Variants in RCAN2 observed in about 807,000 individuals in gnomAD.
RCAN2 encodes the protein regulator of calcineurin 2.
In RCAN2, 9 loss-of-function variants were observed where a neutral mutation model predicts 23.6. The ratio of observed to expected loss-of-function variants is 0.38; its 90% confidence interval spans 0.23 to 0.67. The LOEUF is 0.67. Ranked by LOEUF, RCAN2 falls within the 30% of genes least tolerant of loss-of-function variation. The pLI, the probability that RCAN2 is intolerant of heterozygous loss-of-function variation, is 0.51. For missense variants in RCAN2, 273 were observed against 302.3 expected (o/e 0.90, Z 0.72); for synonymous variants, 109 against 115.7 (o/e 0.94, Z 0.37).
chr6:46,334,669 A>G (rs1037402272), intron 2 of RCAN2, among the ~76,000 whole-genome samples: 56 of 152,146 alleles, frequency 3.7e-4, no homozygotes, highest in Non-Finnish European at 1.2e-4. Flanking sequence ...GGTCCATGCT[A>G]AGTGGCAGCT....
chr6:46,247,104 G>A (rs1007772693), intron 3 of RCAN2, among the ~76,000 whole-genome samples, 185 bp from the exon 4 acceptor site: 2 of 152,008 alleles, frequency 1.3e-5, no homozygotes, highest in African/African-American at 4.8e-5. Context: ...GAAAATAGTG[G>A]ATCTCAACCT....
chr6:46,454,179 G>A (rs898133828), intron 2 of RCAN2, among the ~76,000 whole-genome samples: 2 of 152,272 alleles, frequency 1.3e-5, no homozygotes, highest in Non-Finnish European at 2.9e-5. Flanking sequence ...CAGACTTCAT[G>A]GCTCAGATTC....
intron 1 of RCAN2, among the ~76,000 whole-genome samples, chr6:46,480,303 C>T (rs1212418431): frequency 1.3e-5 from 2 of 152,212 alleles, no homozygotes; most frequent in African/African-American, 4.8e-5. Flanking sequence ...TATGTGATAA[C>T]ATGTGGGGTC....
rs529313404 is a variant in RCAN2, at chr6:46,468,675, C to T, written c.-2-11697G>A. ...CTTCCTATAATGCTGGCTCCCAGCA[C>T]GGCTCCTGATATGCTGTGCTGACGA... On this transcript the variant is annotated intron_variant, in intron 1 of 4. Coordinates refer to ENST00000371374, the MANE Select transcript of RCAN2 (RefSeq NM_001251974.2). 18 of 317,484 alleles carry T rather than the reference C, an allele frequency of 5.7e-5. No individual in the cohort carries two copies. The East Asian group carries it at 1.4e-3, about 24-fold the overall frequency. The allele number at this position is 317,484 out of a possible 1,614,324, so 19.7% of individuals were successfully genotyped here. A position where few individuals can be genotyped will look rare whatever the true frequency, so the allele number is the denominator to read the frequency against.
chr6:46,330,317 T>C (rs1763926749), intron 2 of RCAN2, among the ~76,000 whole-genome samples: 2 of 152,174 alleles, frequency 1.3e-5, no homozygotes, highest in African/African-American at 2.4e-5. Flanking sequence ...ATCTGTATTT[T>C]AATAAGCCCT....
intron 2 of RCAN2, among the ~76,000 whole-genome samples, chr6:46,380,859 TTAAAATAAGGA>T (rs535199781): frequency 8.2e-4 from 125 of 152,332 alleles, no homozygotes; most frequent in Admixed American, 1.2e-3. Flanking sequence ...ATATACTATT[TTAAAATAAGGA>T]TAAAATAAGG....
At chr6:46,273,004 C>T (rs933947986) in intron 2 of RCAN2, among the ~76,000 whole-genome samples, 2 of 152,156 alleles carry the variant, frequency 1.3e-5, no homozygotes, top group Admixed American at 1.3e-4. Flanking sequence ...CTGATCTTTA[C>T]AAATATTCTT....
At chr6:46,385,007 A>G (rs1448808834) in intron 2 of RCAN2, among the ~76,000 whole-genome samples, 1 of 152,232 alleles carries the variant, frequency 6.6e-6, no homozygotes, top group Non-Finnish European at 1.5e-5. Context: ...CAGAATGTTG[A>G]TTAGTGCTGG....
intron 1 of RCAN2, among the ~76,000 whole-genome samples, chr6:46,481,963 T>C (rs181136404): frequency 6.6e-6 from 1 of 151,390 alleles, no homozygotes; most frequent in Non-Finnish European, 1.5e-5. Flanking sequence ...TGCATGTAAA[T>C]ATCTCAATAG....
At chr6:46,304,830 C>T (rs887019160) in intron 2 of RCAN2, among the ~76,000 whole-genome samples, 3 of 152,036 alleles carry the variant, frequency 2.0e-5, no homozygotes, top group Non-Finnish European at 2.9e-5. Context: ...CATGCTCTTT[C>T]GTTAAAGACA....
chr6:46,227,331 C>A (rs1343507245), intron 4 of RCAN2, among the ~76,000 whole-genome samples: 2 of 152,114 alleles, frequency 1.3e-5, no homozygotes, highest in Admixed American at 1.3e-4. Context: ...TCCTCTTTTT[C>A]TATTACTGGA....
intron 1 of RCAN2, among the ~76,000 whole-genome samples, chr6:46,457,703 G>C (rs16874625): frequency 0.061 from 9,337 of 152,194 alleles, 438 homozygotes; most frequent in African/African-American, 0.12. Context: ...TTCTGACTGA[G>C]ATAATTACTT....
chr6:46,436,141 C>A (rs1331378995), intron 2 of RCAN2, among the ~76,000 whole-genome samples: 1 of 152,240 alleles, frequency 6.6e-6, no homozygotes, highest in Non-Finnish European at 1.5e-5. Context: ...TGAGACTAGA[C>A]AATGGCAGTT....
chr6:46,402,727 T>C lies in RCAN2; in HGVS notation c.225+54025A>G, dbSNP rs1190562055. The stretch of plus-strand genomic sequence containing the variant: ...CTAGTAACATTAGAGTACACCCTTA[T>C]TGTCCAAACATATTTCTACACAGCT... On this transcript the variant is annotated intron_variant, in intron 2 of 4. Transcript: ENST00000371374. Among the ~76,000 whole-genome samples the C allele has an allele frequency of 3.3e-5, 5 of 152,288 alleles. No homozygotes were observed. In the East Asian group the frequency reaches 9.7e-4, roughly 29 times the overall value.
At chr6:46,259,533 A>G (rs1767041577) in intron 2 of RCAN2, among the ~76,000 whole-genome samples, 1 of 152,218 alleles carries the variant, frequency 6.6e-6, no homozygotes, top group Non-Finnish European at 1.5e-5. Context: ...TGGTTTTTCT[A>G]TACTCTCACA....
chr6:46,283,098 G>A (rs1222540180), intron 2 of RCAN2, among the ~76,000 whole-genome samples: 1 of 152,150 alleles, frequency 6.6e-6, no homozygotes, highest in Admixed American at 6.5e-5. Context: ...CTCAGGAAAG[G>A]GGCTGAGTGA....
intron 2 of RCAN2, among the ~76,000 whole-genome samples, chr6:46,390,949 G>C (rs573697118): frequency 9.2e-5 from 14 of 152,282 alleles, no homozygotes; most frequent in Non-Finnish European, 2.1e-4. Flanking sequence ...TGAGTGGCAG[G>C]GGGGACCAGG....
rs146221568 is a variant in RCAN2, at chr6:46,326,830, T to G, written c.226-77934A>C. 9.7e-3 allele frequency among the ~76,000 whole-genome samples: 1,479 copies of G among 152,122 alleles called. 33 individuals carry two copies. Among genetic ancestry groups the G allele is most frequent in the Non-Finnish European group, 0.012 (830 of 68,000 alleles). On this transcript the variant is annotated intron_variant, in intron 2 of 4. Transcript: ENST00000371374. Reference sequence around the variant, plus strand: ...GAAAGGTGACATTTCAGACTGAGAGTAGAAGCTTTCTCATTTGTCCTCATT... The same window carrying G: ...GAAAGGTGACATTTCAGACTGAGAGGAGAAGCTTTCTCATTTGTCCTCATT...
intron 2 of RCAN2, among the ~76,000 whole-genome samples, chr6:46,343,280 T>G (rs563281518): frequency 3.9e-5 from 6 of 152,160 alleles, no homozygotes; most frequent in African/African-American, 1.2e-4. Flanking sequence ...TCAACTATAT[T>G]TCTATATTCA....
Sources: allele counts gnomAD v4.1 joint callset (sites outside exome capture counted in the v4.1 genomes callset), GRCh38; gene constraint gnomAD v4.1.1; transcripts MANE v1.5; gene names NCBI Gene and HGNC (gene_info 2026-07-23, HGNC 2026-07-21).